The following PLCB3 variants were observed in gnomAD, a reference collection of about 807,000 sequenced individuals.
PLCB3 encodes 1-phosphatidylinositol 4,5-bisphosphate phosphodiesterase beta-3.
PLCB3 carries 54 observed loss-of-function variants against 152.1 expected under a neutral mutation model. The observed-to-expected ratio is 0.36, with a 90% CI of 0.29 to 0.45. PLCB3 has a LOEUF of 0.45. Among genes scored for constraint, PLCB3 ranks in the 20% least tolerant of loss-of-function variants. The pLI, the probability that PLCB3 is intolerant of heterozygous loss-of-function variation, is 1.00. For synonymous variants in PLCB3, 717 were observed against 698.7 expected, an observed-to-expected ratio of 1.03 and a Z score of -0.41; for missense variants, 1,248 against 1,687.5, an observed-to-expected ratio of 0.74 and a Z score of 4.56.
chr11:64,267,887 G>C lies in PLCB3; in HGVS notation c.*331G>C, dbSNP rs1229296297. On this transcript the variant is annotated 3_prime_UTR_variant, in exon 31 of 31. Coordinates refer to ENST00000279230, the MANE Select transcript of PLCB3 (RefSeq NM_000932.5). The surrounding 1 kb of genome is among the most constrained non-coding windows in gnomAD (Gnocchi z 5.2). ...TCACATTTTTTTCTCTATTCTTTGG[G>C]GATTTTTTTTACATGAATAAAAGTG... The C allele has an allele frequency of 3.2e-6, 1 of 310,722 alleles. No homozygotes were observed. The highest frequency in any genetic ancestry group is 4.5e-5 in the Admixed American group (1 of 22,028). 19.2% of individuals were successfully genotyped at this position (310,722 alleles called of 1,614,324 possible). A position where few individuals can be genotyped will look rare whatever the true frequency, so the allele number is the denominator to read the frequency against.
At position 64,266,550 on chromosome 11, in the gene PLCB3, C is replaced by T. The variant is rs749930140; in HGVS notation, c.3412C>T (p.Arg1138Trp). Reference sequence around the variant, plus strand: ...CACTGAGTCAGTCAACTCCATCCGTCGGGTGAGTCAGGCTCCCGGGCCACC... The same window carrying T: ...CACTGAGTCAGTCAACTCCATCCGTTGGGTGAGTCAGGCTCCCGGGCCACC... ...HITESVNSIRRLEEAQKQRHD... is the reference protein window; with the variant it reads ...HITESVNSIRWLEEAQKQRHD... The change falls in exon 29 of 31, where the codon CGG becomes TGG. Residue 1138 changes from arginine to tryptophan, a missense_variant and splice_region_variant. Physicochemically the swap from Arg to Trp is moderately radical, Grantham distance 101. Around this residue, in one of 6 missense-constraint regions of PLCB3, gnomAD observed 477 missense variants for 489.6 expected, o/e 0.97. Coordinates refer to ENST00000279230, the MANE Select transcript of PLCB3 (RefSeq NM_000932.5). This position sits in a 1 kb window ranked among gnomAD's most constrained non-coding sequence, Gnocchi z 4.9. 3.1e-6 allele frequency: 5 copies of T among 1,613,756 alleles called. No homozygotes were observed. Among genetic ancestry groups the T allele is most frequent in the Non-Finnish European group, 4.2e-6 (5 of 1,179,876 alleles).
intron 14 of PLCB3, 48 bp from the exon 15 acceptor site, chr11:64,261,352 C>T (rs1388364101): frequency 7.3e-7 from 1 of 1,378,992 alleles, no homozygotes; most frequent in African/African-American, 1.4e-5. Flanking sequence ...GAGGGAATGG[C>T]CAGCTGTGGC....
rs1474705809 is a variant in PLCB3, at chr11:64,258,178, A to C, written c.1013-295A>C. 1.3e-5 allele frequency among the ~76,000 whole-genome samples: 2 copies of C among 148,638 alleles called. No homozygotes were observed. Among genetic ancestry groups the C allele is most frequent in the East Asian group, 3.9e-4 (2 of 5,100 alleles). On this transcript the variant is annotated intron_variant, in intron 10 of 30. Coordinates refer to ENST00000279230, the MANE Select transcript of PLCB3 (RefSeq NM_000932.5). This position sits in a 1 kb window ranked among gnomAD's most constrained non-coding sequence, Gnocchi z 7.2. ...CAAAAAAAAAAAAAAAAGAGATTGG[A>C]TTGGAGGCAGGGAGGGCTGGAGTCT... is the stretch of plus-strand genomic sequence containing the variant.
Position 64,266,457 on chromosome 11 carries a change from G to A in PLCB3, c.3357-38G>A, listed in dbSNP as rs1041913216. On this transcript the variant is annotated intron_variant, in intron 28 of 30. Transcript: ENST00000279230. This position sits in a 1 kb window ranked among gnomAD's most constrained non-coding sequence, Gnocchi z 4.9. ...TGGGTACTGGGGAGGCAGGGCAGGT[G>A]TCTGGGCCCCGAGCCATCCTGCGTT... 6.2e-7 allele frequency: 1 copy of A among 1,608,278 alleles called. No individual in the cohort carries two copies. Among genetic ancestry groups the A allele is most frequent in the Non-Finnish European group, 8.5e-7 (1 of 1,174,820 alleles).
Position 64,254,483 on chromosome 11 carries a change from C to T in PLCB3, c.168C>T (p.Gly56=). ...DPNGFFLYWT[G]PNMEVDTLDI... ...ATGGCTTCTTCTTGTACTGGACGGG[C>T]CCCAACATGGTGAGGGTGGGCGCTG... The change falls in exon 2 of 31, where the codon GGC becomes GGT. Residue 56 remains glycine, a synonymous_variant. Coordinates refer to ENST00000279230, the MANE Select transcript of PLCB3 (RefSeq NM_000932.5). 2 of 1,613,666 alleles carry T rather than the reference C, an allele frequency of 1.2e-6. No homozygotes were observed. The highest frequency in any genetic ancestry group is 1.7e-6 in the Non-Finnish European group (2 of 1,179,802).
In PLCB3 at chr11:64,256,416, A is replaced by G. The variant is rs1365732076; in HGVS notation, c.739A>G (p.Met247Val). The G allele has an allele frequency of 1.9e-6, 3 of 1,613,246 alleles. No homozygotes were observed. The highest frequency in any genetic ancestry group is 2.5e-6 in the Non-Finnish European group (3 of 1,179,616). Residue 247 changes from methionine (M) to valine (V), a missense_variant, in exon 9 of 31, where the codon ATG becomes GTG. Coordinates refer to ENST00000279230, the MANE Select transcript of PLCB3 (RefSeq NM_000932.5). The stretch of plus-strand genomic sequence containing the variant: ...GCCATACCTGACGCTGGAGCAGCTC[A>G]TGGACTTCATCAACCAGAAGCAACG... ...GKPYLTLEQL[M>V]DFINQKQRDP...
At chr11:64,260,511 A>AG (rs1053983635) in intron 14 of PLCB3, among the ~76,000 whole-genome samples, 1 of 151,908 alleles carries the variant, frequency 6.6e-6, no homozygotes, top group East Asian at 1.9e-4. Flanking sequence ...GACCTCAGGA[A>AG]GGGGGACAGC....
Position 64,263,770 on chromosome 11 carries a change from G to GGACTACATTCCTGAC in PLCB3, c.2539_2553dup (p.Tyr847_Asp851dup), listed in dbSNP as rs1293230920. 1.9e-6 allele frequency: 3 copies of GGACTACATTCCTGAC among 1,613,090 alleles called. No homozygotes were observed. Among genetic ancestry groups the GGACTACATTCCTGAC allele is most frequent in the Non-Finnish European group, 2.5e-6 (3 of 1,179,860 alleles). On this transcript the variant is annotated inframe_insertion, in exon 21 of 31. Coordinates refer to ENST00000279230, the MANE Select transcript of PLCB3 (RefSeq NM_000932.5). ...CCCTGCTCATCTACACCGAAGCCTCGGACTACATTCCTGACGACCACCAGG... is the reference window on the plus strand; with the variant it reads ...CCCTGCTCATCTACACCGAAGCCTCGGACTACATTCCTGACGACTACATTCCTGACGACCACCAGG...
At position 64,254,828 on chromosome 11, in the gene PLCB3, G is replaced by A. The variant is rs1318449836; in HGVS notation, c.246+12G>A. 1 of 1,613,882 alleles carries A rather than the reference G, an allele frequency of 6.2e-7. No homozygotes were observed. Among genetic ancestry groups the A allele is most frequent in the African/African-American group, 1.3e-5 (1 of 75,066 alleles). On this transcript the variant is annotated intron_variant, in intron 3 of 30. Transcript: ENST00000279230. ...CCCGCCTGCCCAAGGTGAGTGATGAGCCTGGGAGTGAAGACCACAGCGAGG... is the reference window on the plus strand; with the variant it reads ...CCCGCCTGCCCAAGGTGAGTGATGAACCTGGGAGTGAAGACCACAGCGAGG...
downstream of PLCB3, chr11:64,268,532 G>A (rs2032254602): frequency 6.6e-6 from 1 of 152,294 alleles, no homozygotes; most frequent in Admixed American, 6.5e-5. Flanking sequence ...GGAGCCATCT[G>A]TCGTGTGCTA....
intron 19 of PLCB3, 61 bp from the exon 20 acceptor site, chr11:64,263,436 TG>T: frequency 9.7e-7 from 1 of 1,034,336 alleles, no homozygotes; most frequent in Non-Finnish European, 1.4e-6. Flanking sequence ...TGGTTAGCTG[TG>T]GCCTGGTAGC....
In PLCB3 at chr11:64,261,628, A is replaced by G. The variant is rs777274459; in HGVS notation, c.1876A>G (p.Met626Val). The G allele has an allele frequency of 1.1e-5, 18 of 1,614,014 alleles. No individual in the cohort carries two copies. The highest frequency in any genetic ancestry group is 1.4e-5 in the Non-Finnish European group (17 of 1,180,012). ...EMSSFVETKA[M>V]EQLTKSPMEF... Reference sequence around the variant, plus strand: ...GTCGTCCTTTGTGGAGACCAAGGCCATGGAGCAACTGACCAAGAGCCCCAT... The same window carrying G: ...GTCGTCCTTTGTGGAGACCAAGGCCGTGGAGCAACTGACCAAGAGCCCCAT... The change falls in exon 16 of 31, where the codon ATG becomes GTG. Residue 626 changes from methionine (M) to valine (V), a missense_variant. Coordinates refer to ENST00000279230, the MANE Select transcript of PLCB3 (RefSeq NM_000932.5).
Position 64,255,777 on chromosome 11 carries a change from C to T in PLCB3, c.654C>T (p.Asn218=), listed in dbSNP as rs373338126. 1 of 1,614,008 alleles carries T rather than the reference C, an allele frequency of 6.2e-7. No individual in the cohort carries two copies. Among genetic ancestry groups the T allele is most frequent in the African/African-American group, 1.3e-5 (1 of 74,946 alleles). The change falls in exon 8 of 31, where the codon AAC becomes AAT. Residue 218 remains asparagine (N), a synonymous_variant. Transcript: ENST00000279230. The surrounding 1 kb of genome is among the most constrained non-coding windows in gnomAD (Gnocchi z 6.8). ...FSLEIFERFL[N]KLCLRPDIDK... is the part of the protein sequence containing the mutation. ...TGGAAATCTTTGAGCGGTTCCTGAA[C>T]AAGCTGTGTCTGCGGCCGGACATTG...
At chr11:64,252,851 G>T (rs1433299317) in intron 1 of PLCB3, among the ~76,000 whole-genome samples, 1 of 152,196 alleles carries the variant, frequency 6.6e-6, no homozygotes, top group Non-Finnish European at 1.5e-5. Flanking sequence ...GGGCAGGAGA[G>T]CAGGGGACCT....
rs368752162 is a variant in PLCB3 at position 64,255,426 on chromosome 11, G to A, written c.498G>A (p.Gln166=). The change falls in exon 6 of 31, where the codon CAG becomes CAA. Residue 166 remains glutamine, a synonymous_variant. Coordinates refer to ENST00000279230, the MANE Select transcript of PLCB3 (RefSeq NM_000932.5). This position sits in a 1 kb window ranked among gnomAD's most constrained non-coding sequence, Gnocchi z 6.8. ...AYTKLKLQVN[Q]DGRIPVKNIL... ...CGAAGCTGAAGCTGCAGGTGAACCA[G>A]GATGGTCGGATCCCCGTCAAGAAGT... 1 of 1,614,048 alleles carries A rather than the reference G, an allele frequency of 6.2e-7. No individual in the cohort carries two copies. The highest frequency in any genetic ancestry group is 8.5e-7 in the Non-Finnish European group (1 of 1,180,032).
intron 10 of PLCB3, among the ~76,000 whole-genome samples, chr11:64,257,797 CAGAAG>C (rs764358869): frequency 1.3e-5 from 2 of 151,854 alleles, no homozygotes; most frequent in Non-Finnish European, 2.9e-5. Flanking sequence ...GAGGGTGAAG[CAGAAG>C]AGGTGATGTG....
In PLCB3 at chr11:64,255,348, G is replaced by T. The variant is rs773958318; in HGVS notation, c.467+35G>T. ...AGGCCACCCGAGGGGGAGCCGGGGG[G>T]TTCACGTGGCCGTTTTCAGGGTGTG... On this transcript the variant is annotated intron_variant, in intron 5 of 30. Coordinates refer to ENST00000279230, the MANE Select transcript of PLCB3 (RefSeq NM_000932.5). This position sits in a 1 kb window ranked among gnomAD's most constrained non-coding sequence, Gnocchi z 6.8. 3.1e-6 allele frequency: 5 copies of T among 1,613,552 alleles called. No individual in the cohort carries two copies. In the South Asian group the frequency reaches 4.4e-5, roughly 14 times the overall value.
rs746775656 is a variant in PLCB3 at position 64,254,944 on chromosome 11, G to T, written c.293G>T (p.Arg98Leu). Reference protein sequence around the residue: ...EVLGFGGPDARLEEKLMTVVS... With the variant: ...EVLGFGGPDALLEEKLMTVVS... Reference sequence around the variant, plus strand: ...CTGGGCTTTGGGGGTCCCGATGCCCGGCTGGAGGAGAAGCTGATGACGGTG... The same window carrying T: ...CTGGGCTTTGGGGGTCCCGATGCCCTGCTGGAGGAGAAGCTGATGACGGTG... Residue 98 changes from arginine (R) to leucine (L), a missense_variant, in exon 4 of 31, where the codon CGG (arginine) becomes CTG (leucine). Physicochemically the swap from Arg to Leu is moderately radical, Grantham distance 102. Transcript: ENST00000279230. 2 of 1,602,412 alleles carry T rather than the reference G, an allele frequency of 1.2e-6. No individual in the cohort carries two copies. The highest frequency in any genetic ancestry group is 1.7e-6 in the Non-Finnish European group (2 of 1,173,070).
At chr11:64,268,323 G>A (rs2032238824), downstream of PLCB3, among the ~76,000 whole-genome samples, 1 of 152,182 alleles carries the variant, frequency 6.6e-6, no homozygotes, top group South Asian at 2.1e-4. Flanking sequence ...GATCGGCCAG[G>A]GTGGAGCAGG....
Sources: gnomAD v4.1 joint callset for allele counts (sites outside exome capture counted in the v4.1 genomes callset) on GRCh38, gnomAD v4.1.1 for gene constraint, gnomAD v4.1.1 regional missense constraint, Gnocchi (gnomAD v3.1) non-coding constraint, MANE v1.5 for transcripts, NCBI Gene and HGNC (gene_info 2026-07-23, HGNC 2026-07-21) for gene names.